Variants in DYNC2H1 observed in about 807,000 individuals in gnomAD.
DYNC2H1 encodes cytoplasmic dynein 2 heavy chain 1.
DYNC2H1 carries 410 observed loss-of-function variants against 570.0 expected under a neutral mutation model. The ratio of observed to expected loss-of-function variants is 0.72; its 90% CI spans 0.66 to 0.78. The LOEUF (loss-of-function observed/expected upper bound fraction) is 0.78, where lower values mean the gene tolerates loss of function less well. Ranked by LOEUF, DYNC2H1 falls within the 30% of genes least tolerant of loss-of-function variation. DYNC2H1 has a pLI of 0.00. For missense variants in DYNC2H1, 4,865 were observed against 5,046.4 expected (o/e 0.96, Z 1.09); for synonymous variants, 1,688 against 1,677.6 (o/e 1.01, Z -0.15).
rs1275293030 is a variant in DYNC2H1, at chr11:103,153,333, C to T, written c.3127C>T (p.Arg1043Cys). 1.2e-5 allele frequency: 18 copies of T among 1,540,706 alleles called. No homozygotes were observed. The highest frequency in any genetic ancestry group is 2.1e-5 in the Admixed American group (1 of 48,556). ...IEVMKGNVKSRLQIYYQELEK... is the reference protein window; with the variant it reads ...IEVMKGNVKSCLQIYYQELEK... Reference sequence around the variant, plus strand: ...AGTGATGAAAGGAAATGTGAAATCACGTCTTCAGATCTATTATCAAGAACT... The same window carrying T: ...AGTGATGAAAGGAAATGTGAAATCATGTCTTCAGATCTATTATCAAGAACT... The change falls in exon 22 of 89, where the codon CGT becomes TGT. Residue 1043 changes from arginine to cysteine, a missense_variant. By Grantham distance (180) the Arg-to-Cys change is radical (BLOSUM62 -3). Around this residue, in one of 5 missense-constraint regions of DYNC2H1, gnomAD observed 1,936 missense variants for 1,962.1 expected, o/e 0.99. Coordinates refer to ENST00000375735, the MANE Select transcript of DYNC2H1 (RefSeq NM_001377.3).
In DYNC2H1 at chr11:103,219,792, T is replaced by G. The variant is rs1555072549; in HGVS notation, c.8833-123T>G. The G allele has an allele frequency of 1.9e-5, 11 of 588,052 alleles. No homozygotes were observed. The South Asian group carries it at 2.6e-4, about 14-fold the overall frequency. 36.4% of individuals were successfully genotyped at this position (588,052 alleles called of 1,614,324 possible). On this transcript the variant is annotated intron_variant, in intron 55 of 88. Transcript: ENST00000375735. The stretch of plus-strand genomic sequence containing the variant: ...TTTTGGAAACTCTCTTGTCATAGAT[T>G]CAAAACTAGTATTAGGAAACATTTA...
At chr11:103,362,137 A>C (rs1940673066) in intron 83 of DYNC2H1, among the ~76,000 whole-genome samples, 1 of 152,048 alleles carries the variant, frequency 6.6e-6, no homozygotes, top group Non-Finnish European at 1.5e-5. Flanking sequence ...TTTCTTAGAG[A>C]GGGAAAGTAA....
chr11:103,116,925 T>G (rs1057406636), intron 5 of DYNC2H1, among the ~76,000 whole-genome samples: 3 of 151,676 alleles, frequency 2.0e-5, no homozygotes, highest in Admixed American at 6.6e-5. Context: ...TATAACCAAA[T>G]TTACATAGAT....
At chr11:103,405,258 G>C (rs751677244) in intron 84 of DYNC2H1, 21 of 151,840 alleles carry the variant, frequency 1.4e-4, no homozygotes, top group Non-Finnish European at 2.8e-4. Flanking sequence ...AACTGGGAGA[G>C]AAAGGAGGAG....
intron 57 of DYNC2H1, among the ~76,000 whole-genome samples, chr11:103,221,152 G>T (rs893144068): frequency 6.6e-6 from 1 of 151,876 alleles, no homozygotes; most frequent in South Asian, 2.1e-4. Flanking sequence ...TACCGAGAGA[G>T]GGAAAAAGAC....
rs1864955729 is a variant in DYNC2H1, at chr11:103,254,259, A to C, written c.10206+811A>C. Among the ~76,000 whole-genome samples the C allele has an allele frequency of 6.6e-6, 1 of 151,918 alleles. No individual in the cohort carries two copies. The highest frequency in any genetic ancestry group is 6.6e-5 in the Admixed American group (1 of 15,264). On this transcript the variant is annotated intron_variant, in intron 66 of 88. Transcript: ENST00000375735. The surrounding 1 kb of genome is among the most constrained non-coding windows in gnomAD (Gnocchi z 4.9). ...GTGACAATCATTCAAAACTTGGCAG[A>C]ATTAATTGACAGAATTGCTCCTGCT...
At chr11:103,401,283 A>G (rs1942630706) in intron 84 of DYNC2H1, among the ~76,000 whole-genome samples, 1 of 152,182 alleles carries the variant, frequency 6.6e-6, no homozygotes, top group Non-Finnish European at 1.5e-5. Flanking sequence ...CAAAATATAA[A>G]TGCTCTTGAG....
chr11:103,323,053 A>G (rs1938294850), intron 81 of DYNC2H1, among the ~76,000 whole-genome samples: 2 of 152,220 alleles, frequency 1.3e-5, no homozygotes, highest in Admixed American at 6.5e-5. Flanking sequence ...TCAGCTGCCA[A>G]GGATAAGAAC....
chr11:103,154,782 A>T lies in DYNC2H1; in HGVS notation c.3546A>T (p.Lys1182Asn), dbSNP rs1860736411. ...KVEEHSVMTV[K>N]LQSEVDKYKI... ...AAGAACATTCAGTGATGACAGTGAA[A>T]TTACAATCAGAGGTTGACAAATATA... The change falls in exon 24 of 89, where the codon AAA becomes AAT. Residue 1182 changes from lysine (K) to asparagine (N), a missense_variant. Around this residue, in one of 5 missense-constraint regions of DYNC2H1, gnomAD observed 1,936 missense variants for 1,962.1 expected, o/e 0.99. Transcript: ENST00000375735. 6.4e-7 allele frequency: 1 copy of T among 1,553,252 alleles called. No homozygotes were observed. The highest frequency in any genetic ancestry group is 1.4e-5 in the African/African-American group (1 of 73,228).
chr11:103,323,854 A>T lies in DYNC2H1; in HGVS notation c.11935-32A>T, dbSNP rs760781490. 36 of 1,531,810 alleles carry T rather than the reference A, an allele frequency of 2.4e-5. No individual in the cohort carries two copies. The African/African-American group carries it at 2.9e-4, about 12-fold the overall frequency. 94.9% of individuals were successfully genotyped at this position (1,531,810 alleles called of 1,614,324 possible). On this transcript the variant is annotated intron_variant, in intron 81 of 88. Transcript: ENST00000375735. ...ATTGTAAGTTCAATCTTTATTTTTTAAAAAAACTGTTTTTCACTTCTTTAT... is the reference window on the plus strand; with the variant it reads ...ATTGTAAGTTCAATCTTTATTTTTTTAAAAAACTGTTTTTCACTTCTTTAT...
In DYNC2H1 at chr11:103,171,065, G is replaced by A. The variant is rs1417979130; in HGVS notation, c.5331G>A (p.Lys1777=). The A allele has an allele frequency of 1.9e-6, 3 of 1,586,234 alleles. No individual in the cohort carries two copies. The highest frequency in any genetic ancestry group is 2.7e-5 in the African/African-American group (2 of 74,452). ...NHRTVCELLG[K]EVEVNSNSGI... ...GAACTGTATGTGAACTGCTTGGCAA[G>A]GAGGTATAGAATATGTTGGGAATTT... Residue 1777 remains lysine, a synonymous_variant, in exon 34 of 89, where the codon AAG becomes AAA. Coordinates refer to ENST00000375735, the MANE Select transcript of DYNC2H1 (RefSeq NM_001377.3).
chr11:103,196,820 G>A (rs11225598), intron 47 of DYNC2H1, among the ~76,000 whole-genome samples: 16,164 of 152,078 alleles, frequency 0.11, 984 homozygotes, highest in East Asian at 0.18. Context: ...GATTATGACT[G>A]TATTATTGTT....
intron 78 of DYNC2H1, among the ~76,000 whole-genome samples, chr11:103,310,618 T>C (rs1867532474): frequency 6.6e-6 from 1 of 151,420 alleles, no homozygotes; most frequent in Non-Finnish European, 1.5e-5. Flanking sequence ...ACATAAAAGC[T>C]TTCATTAAAA....
In DYNC2H1 at chr11:103,138,845, G is replaced by A. The variant is rs535469613; in HGVS notation, c.2574+2897G>A. 4.4e-3 allele frequency among the ~76,000 whole-genome samples: 662 copies of A among 152,084 alleles called. 2 individuals are homozygous for A. Among genetic ancestry groups the A allele is most frequent in the African/African-American group, 0.015 (634 of 41,496 alleles). ...TCGGCTGTGACTCCATCTGGTCCTG[G>A]ACTCTTTTTGGTTGGTAAGCTATTG... On this transcript the variant is annotated intron_variant, in intron 17 of 88. Transcript: ENST00000375735.
rs1326141011 is a variant in DYNC2H1 at position 103,249,638 on chromosome 11, A to G, written c.10043-3647A>G. The stretch of plus-strand genomic sequence containing the variant: ...CTACTCTAGACTGAGATCTGGCCAG[A>G]TTCTAATAGCTTGGACTTTGTGTAC... On this transcript the variant is annotated intron_variant, in intron 65 of 88. Coordinates refer to ENST00000375735, the MANE Select transcript of DYNC2H1 (RefSeq NM_001377.3). This position sits in a 1 kb window ranked among gnomAD's most constrained non-coding sequence, Gnocchi z 4.6. Among the ~76,000 whole-genome samples the G allele has an allele frequency of 6.6e-6, 1 of 152,050 alleles. No homozygotes were observed. Among genetic ancestry groups the G allele is most frequent in the Non-Finnish European group, 1.5e-5 (1 of 67,960 alleles).
intron 78 of DYNC2H1, among the ~76,000 whole-genome samples, chr11:103,311,244 T>C (rs1159952869): frequency 1.3e-5 from 2 of 152,198 alleles, no homozygotes; most frequent in Admixed American, 6.5e-5. Flanking sequence ...GTTGTTTTGC[T>C]ATTTTCCCAT....
In DYNC2H1 at chr11:103,159,039, C is replaced by T; in HGVS notation, c.4378+12C>T. On this transcript the variant is annotated intron_variant, in intron 28 of 88. Transcript: ENST00000375735. ...GAAGCTTTTTGCTGGTAGGATTCAA[C>T]ATTTATTTAACAGATATTTATTGAG... is the stretch of plus-strand genomic sequence containing the variant. The T allele has an allele frequency of 6.3e-7, 1 of 1,590,480 alleles. No individual in the cohort carries two copies. Among genetic ancestry groups the T allele is most frequent in the Non-Finnish European group, 8.6e-7 (1 of 1,161,364 alleles).
chr11:103,120,744 A>C lies in DYNC2H1; in HGVS notation c.1190A>C (p.Gln397Pro), dbSNP rs779012837. The change falls in exon 8 of 89, where the codon CAA (glutamine) becomes CCA (proline). Residue 397 changes from glutamine to proline, a missense_variant. Physicochemically the swap from Gln to Pro is moderately conservative, Grantham distance 76. Around this residue, in one of 5 missense-constraint regions of DYNC2H1, gnomAD observed 1,936 missense variants for 1,962.1 expected, o/e 0.99. Transcript: ENST00000375735. ...GAAAAGATTATTGCACCTGCGGAAC[A>C]AAAAATAGCAGGAAAATTGAAAAAT... Reference protein sequence around the residue: ...QYEKIIAPAEQKIAGKLKNYI... With the variant: ...QYEKIIAPAEPKIAGKLKNYI... 1.9e-6 allele frequency: 3 copies of C among 1,602,850 alleles called. No individual in the cohort carries two copies. Among genetic ancestry groups the C allele is most frequent in the African/African-American group, 2.7e-5 (2 of 74,744 alleles).
chr11:103,423,741 C>T (rs902755889), intron 84 of DYNC2H1, among the ~76,000 whole-genome samples: 1 of 151,642 alleles, frequency 6.6e-6, no homozygotes. Context: ...CAATAAACAT[C>T]TCAATTATAA....
Sources: allele counts gnomAD v4.1 joint callset (sites outside exome capture counted in the v4.1 genomes callset), GRCh38; gene constraint gnomAD v4.1.1; regional missense constraint gnomAD v4.1.1; non-coding constraint Gnocchi (gnomAD v3.1); transcripts MANE v1.5; gene names NCBI Gene and HGNC (gene_info 2026-07-23, HGNC 2026-07-21).